The following SPAG17 variants were observed in gnomAD, a reference collection of about 807,000 sequenced individuals.
SPAG17 encodes the protein sperm associated antigen 17.
A neutral mutation model predicts 273.6 loss-of-function variants in SPAG17; 169 were observed. The ratio of observed to expected loss-of-function variants is 0.62; its 90% CI spans 0.55 to 0.70. SPAG17 has a LOEUF of 0.70. Ranked by LOEUF, SPAG17 falls within the 30% of genes least tolerant of loss-of-function variation. The pLI, the probability that SPAG17 is intolerant of heterozygous loss-of-function variation, is 0.00. For missense variants in SPAG17, 2,557 were observed against 2,627.8 expected (o/e 0.97, Z 0.59); for synonymous variants, 825 against 873.2 (o/e 0.94, Z 0.97).
intron 43 of SPAG17, among the ~76,000 whole-genome samples, chr1:117,974,556 G>C (rs1418041936): frequency 6.6e-6 from 1 of 151,928 alleles, no homozygotes; most frequent in African/African-American, 2.4e-5. Context: ...GCATTTCTTT[G>C]ATTCTACTAC....
chr1:117,977,451 AT>A (rs1436014778), intron 43 of SPAG17, among the ~76,000 whole-genome samples: 1 of 152,222 alleles, frequency 6.6e-6, no homozygotes, highest in Non-Finnish European at 1.5e-5. Context: ...TTGCTGTATG[AT>A]TTTTAGATGT....
chr1:118,106,535 T>C lies in SPAG17; in HGVS notation c.448-4609A>G, dbSNP rs571494289. 2.6e-5 allele frequency among the ~76,000 whole-genome samples: 4 copies of C among 152,296 alleles called. No homozygotes were observed. In the East Asian group the frequency reaches 7.7e-4, roughly 29 times the overall value. On this transcript the variant is annotated intron_variant, in intron 4 of 48. Transcript: ENST00000336338. The stretch of plus-strand genomic sequence containing the variant: ...TCTCTAACAGCCAAGCTTTGGATCA[T>C]AGCAAATTTACTAATTTGCAACACC...
At chr1:117,982,170 T>C (rs887820574) in intron 42 of SPAG17, among the ~76,000 whole-genome samples, 15 of 152,302 alleles carry the variant, frequency 9.8e-5, no homozygotes, top group Admixed American at 7.8e-4. Context: ...ATATTTCTAT[T>C]GTATGCGTTC....
At chr1:117,987,801 C>T in intron 40 of SPAG17, 33 bp downstream of exon 40, 2 of 1,610,432 alleles carry the variant, frequency 1.2e-6, no homozygotes, top group Non-Finnish European at 1.7e-6. Flanking sequence ...TGGGCCCTTT[C>T]AGGTCCTTAT....
chr1:118,166,776 T>G (rs1009835328), intron 1 of SPAG17, among the ~76,000 whole-genome samples: 9 of 152,170 alleles, frequency 5.9e-5, no homozygotes, highest in Non-Finnish European at 1.3e-4. Flanking sequence ...ATCTTAAAAT[T>G]TTGCATGTTA....
chr1:118,041,668 G>C (rs1649770772), intron 21 of SPAG17, 135 bp downstream of exon 21: 1 of 1,167,150 alleles, frequency 8.6e-7, no homozygotes, highest in Admixed American at 2.3e-5. Flanking sequence ...ATACAGGTTT[G>C]AGCTCATTAA....
Position 117,971,852 on chromosome 1 carries a change from C to T in SPAG17, c.6326+11G>A. On this transcript the variant is annotated intron_variant, in intron 45 of 48. Transcript: ENST00000336338. ...GGTAACCTGAGCAGACCTTTGGTCC[C>T]TTGGCCTCACCTGCAGAAGTCCACT... The T allele has an allele frequency of 6.2e-7, 1 of 1,610,286 alleles. No homozygotes were observed. The highest frequency in any genetic ancestry group is 1.7e-5 in the Admixed American group (1 of 59,612).
intron 28 of SPAG17, among the ~76,000 whole-genome samples, chr1:118,022,698 T>A (rs944115304): frequency 6.6e-6 from 1 of 152,164 alleles, no homozygotes; most frequent in African/African-American, 2.4e-5. Flanking sequence ...CACCTTCTTT[T>A]TTCCCTGCTA....
chr1:118,073,899 C>T lies in SPAG17; in HGVS notation c.2340G>A (p.Met780Ile), dbSNP rs200775438. Residue 780 changes from methionine to isoleucine, a missense_variant, in exon 17 of 49, where the codon ATG becomes ATA. Coordinates refer to ENST00000336338, the MANE Select transcript of SPAG17 (RefSeq NM_206996.4). The part of the protein sequence containing the change: ...DIKKTQQRSL[M>I]DWSFTEHFKP... ...TAAAATGTTCAGTAAAACTCCAGTC[C>T]ATTAGACTGCGCTGCTGTGTTTTCT... 3.8e-6 allele frequency: 6 copies of T among 1,576,790 alleles called. No homozygotes were observed. The highest frequency in any genetic ancestry group is 4.0e-5 in the Admixed American group (2 of 50,188).
Position 117,993,095 on chromosome 1 carries a change from G to A in SPAG17, c.5179-447C>T, listed in dbSNP as rs541950167. Among the ~76,000 whole-genome samples, 8 of 152,200 alleles carry A rather than the reference G, an allele frequency of 5.3e-5. No individual in the cohort carries two copies. The East Asian group carries it at 1.5e-3, about 29-fold the overall frequency. On this transcript the variant is annotated intron_variant, in intron 35 of 48. Transcript: ENST00000336338. ...AATTCCATAGATCTGGGCCATCTTT[G>A]AGCTTAATCTAGACTAAGCATGCCT...
At chr1:118,034,134 T>C (rs1307638600) in intron 24 of SPAG17, among the ~76,000 whole-genome samples, 1 of 152,208 alleles carries the variant, frequency 6.6e-6, no homozygotes, top group Non-Finnish European at 1.5e-5. Context: ...CATTTACTAA[T>C]ATTCAGTAAA....
chr1:118,167,262 C>G (rs1333214323), intron 1 of SPAG17, among the ~76,000 whole-genome samples: 2 of 152,052 alleles, frequency 1.3e-5, no homozygotes. Context: ...AGAATTTGAA[C>G]TTAATTTCCA....
intron 13 of SPAG17, among the ~76,000 whole-genome samples, chr1:118,081,939 C>A (rs908769538): frequency 6.6e-6 from 1 of 152,116 alleles, no homozygotes; most frequent in Non-Finnish European, 1.5e-5. Context: ...TTCCAGGGTA[C>A]CATATTGGTT....
At chr1:117,978,453 C>T (rs1655371908) in intron 43 of SPAG17, among the ~76,000 whole-genome samples, 1 of 152,114 alleles carries the variant, frequency 6.6e-6, no homozygotes, top group African/African-American at 2.4e-5. Context: ...ACCTTAGGTG[C>T]CTCTTTCTCT....
At chr1:118,080,075 T>A (rs920467224) in intron 15 of SPAG17, among the ~76,000 whole-genome samples, 2 of 151,700 alleles carry the variant, frequency 1.3e-5, no homozygotes, top group Non-Finnish European at 2.9e-5. Context: ...TTAATTTTTT[T>A]ATTTTTCTTT....
intron 18 of SPAG17, among the ~76,000 whole-genome samples, chr1:118,060,613 C>T (rs1044217304): frequency 1.3e-5 from 2 of 152,076 alleles, no homozygotes; most frequent in Admixed American, 6.6e-5. Context: ...CTTGCCTTTG[C>T]CTGTAAGTTT....
chr1:117,959,656 T>C (rs1417646983), intron 48 of SPAG17: 4 of 433,248 alleles, frequency 9.2e-6, no homozygotes, highest in Non-Finnish European at 1.6e-5. Flanking sequence ...AAATGCATTA[T>C]TAGTTTAAAA....
At chr1:118,126,210 T>A (rs1199007414) in intron 3 of SPAG17, among the ~76,000 whole-genome samples, 1 of 144,854 alleles carries the variant, frequency 6.9e-6, no homozygotes, top group Non-Finnish European at 1.5e-5. Flanking sequence ...ATCCTTTTTT[T>A]TTTTTTTTTT....
chr1:118,047,087 G>T (rs931182976), intron 20 of SPAG17, among the ~76,000 whole-genome samples: 1 of 152,164 alleles, frequency 6.6e-6, no homozygotes, highest in Admixed American at 6.5e-5. Flanking sequence ...TGTTGCTCTT[G>T]TGAATAAAAT....
Sources: gnomAD v4.1 joint callset for allele counts (sites outside exome capture counted in the v4.1 genomes callset) on GRCh38, gnomAD v4.1.1 for gene constraint, MANE v1.5 for transcripts, NCBI Gene and HGNC (gene_info 2026-07-23, HGNC 2026-07-21) for gene names.